Variants in WDPCP observed in about 807,000 individuals in gnomAD.
WDPCP encodes WD repeat containing planar cell polarity effector.
Under a neutral mutation model 93.1 loss-of-function variants are expected in WDPCP, and 71 were observed. The observed-to-expected ratio is 0.76, with a 90% CI of 0.63 to 0.93. The LOEUF is 0.93. Among genes scored for constraint, WDPCP ranks in the 40% least tolerant of loss-of-function variants. The pLI, the probability that WDPCP is intolerant of heterozygous loss-of-function variation, is 0.00. For synonymous variants in WDPCP, 315 were observed against 315.0 expected (o/e 1.00, Z 0.00); for missense variants, 844 against 887.4 (o/e 0.95, Z 0.62).
At chr2:63,716,948 C>G (rs1182550221) in intron 2 of WDPCP, among the ~76,000 whole-genome samples, 5 of 152,198 alleles carry the variant, frequency 3.3e-5, no homozygotes. Flanking sequence ...ATGTACTGAA[C>G]TAGGCTGCCC....
At chr2:63,705,120 T>C (rs1669128561) in intron 2 of WDPCP, among the ~76,000 whole-genome samples, 2 of 152,358 alleles carry the variant, frequency 1.3e-5, no homozygotes, top group Admixed American at 6.5e-5. Flanking sequence ...TGGTAGTTTG[T>C]ATTTCTGTGG....
At chr2:63,605,925 A>T (rs771494543) in intron 3 of WDPCP, 11 of 1,607,058 alleles carry the variant, frequency 6.8e-6, no homozygotes, top group Non-Finnish European at 8.5e-6. Flanking sequence ...TATGTGAAAC[A>T]TTGTTATTTT....
At position 63,234,394 on chromosome 2, in the gene WDPCP, CA is replaced by C. The variant is rs1679198887; in HGVS notation, c.1915+24912del. Among the ~76,000 whole-genome samples the C allele has an allele frequency of 1.3e-5, 2 of 152,104 alleles. 1 individual carries two copies. Among genetic ancestry groups the C allele is most frequent in the South Asian group, 4.1e-4 (2 of 4,828 alleles). On this transcript the variant is annotated intron_variant, in intron 14 of 17. Transcript: ENST00000272321. ...GCTTAAGCCCAGGAGTTTGGGGCTG[CA>C]GTGAGCTATGAACATGCCACTGCAT...
At chr2:63,127,037 T>C (rs1359474856) in intron 17 of WDPCP, among the ~76,000 whole-genome samples, 1 of 151,850 alleles carries the variant, frequency 6.6e-6, no homozygotes, top group African/African-American at 2.4e-5. Context: ...ATATGATATA[T>C]AAAATACTTT....
intron 14 of WDPCP, among the ~76,000 whole-genome samples, chr2:63,184,578 G>A (rs1674485012): frequency 6.6e-6 from 1 of 151,990 alleles, no homozygotes; most frequent in African/African-American, 2.4e-5. Context: ...CCACTGAGAA[G>A]TCCACCGTTA....
intron 14 of WDPCP, among the ~76,000 whole-genome samples, chr2:63,216,712 A>T (rs1009684532): frequency 8.1e-5 from 12 of 148,746 alleles, no homozygotes; most frequent in African/African-American, 9.8e-5. Flanking sequence ...AAAGTTTAAT[A>T]AAAAAAAAAC....
intron 2 of WDPCP, among the ~76,000 whole-genome samples, chr2:63,788,075 A>C (rs1195400018): frequency 1.3e-5 from 2 of 152,126 alleles, no homozygotes; most frequent in African/African-American, 2.4e-5. Flanking sequence ...ATAAAATAAA[A>C]AATGAGTCCA....
rs77090999 is a variant in WDPCP, at chr2:63,162,203, G to A, written c.2079-8629C>T. ...TTTAACTTCATATTCGACTTGCACA[G>A]CATGCAAGTTCAGAAAGAGGACCAT... On this transcript the variant is annotated intron_variant, in intron 15 of 17. Coordinates refer to ENST00000272321, the MANE Select transcript of WDPCP (RefSeq NM_015910.7). Among the ~76,000 whole-genome samples the A allele has an allele frequency of 2.9e-4, 44 of 152,162 alleles. No homozygotes were observed. The East Asian group carries it at 7.5e-3, about 26-fold the overall frequency.
chr2:63,327,814 A>G (rs1400047895), intron 12 of WDPCP, among the ~76,000 whole-genome samples: 5 of 152,070 alleles, frequency 3.3e-5, no homozygotes, highest in African/African-American at 4.8e-5. Flanking sequence ...TTCCTCTAGA[A>G]TCGAGGCCAT....
At chr2:63,492,558 A>G (rs1700957911) in intron 2 of WDPCP, among the ~76,000 whole-genome samples, 1 of 151,984 alleles carries the variant, frequency 6.6e-6, no homozygotes, top group South Asian at 2.1e-4. Context: ...GGGCTAGAGC[A>G]TAGTGACACG....
At chr2:63,701,931 C>T (rs1669058598) in intron 2 of WDPCP, among the ~76,000 whole-genome samples, 1 of 152,152 alleles carries the variant, frequency 6.6e-6, no homozygotes, top group African/African-American at 2.4e-5. Context: ...CCTAGTGTTT[C>T]ATAGATAAAT....
intron 1 of WDPCP, among the ~76,000 whole-genome samples, chr2:63,578,406 C>A (rs1357547863): frequency 6.6e-6 from 1 of 152,148 alleles, no homozygotes; most frequent in Non-Finnish European, 1.5e-5. Flanking sequence ...ATCCATATTG[C>A]CAATTATATC....
chr2:63,483,031 G>GAA (rs1429307336), intron 6 of WDPCP, among the ~76,000 whole-genome samples: 2 of 151,814 alleles, frequency 1.3e-5, no homozygotes, highest in African/African-American at 2.4e-5. Context: ...CCCTTCGTCA[G>GAA]ACACACACAC....
At chr2:63,824,460 T>A (rs186167533) in intron 1 of WDPCP, among the ~76,000 whole-genome samples, 1,839 of 145,960 alleles carry the variant, frequency 0.013, 19 homozygotes, top group Non-Finnish European at 0.015. Flanking sequence ...AAGTGGGAGA[T>A]CTGCTTGCGC....
chr2:63,315,376 G>A (rs139462276), intron 12 of WDPCP, among the ~76,000 whole-genome samples: 2,436 of 152,114 alleles, frequency 0.016, 56 homozygotes, highest in African/African-American at 0.053. Flanking sequence ...ACCCAGGTTA[G>A]TAGTGCCCCT....
At chr2:63,627,984 C>T (rs1216278726) in intron 3 of WDPCP, among the ~76,000 whole-genome samples, 1 of 152,156 alleles carries the variant, frequency 6.6e-6, no homozygotes, top group African/African-American at 2.4e-5. Flanking sequence ...ACTAAAAGAG[C>T]GCACTGTAAC....
intron 2 of WDPCP, among the ~76,000 whole-genome samples, chr2:63,716,502 G>A (rs969106782): frequency 5.3e-5 from 8 of 152,186 alleles, no homozygotes; most frequent in Non-Finnish European, 1.2e-4. Flanking sequence ...TGATGGGGGA[G>A]CCCAACTTTT....
At chr2:63,536,164 T>C (rs1350869000) in intron 1 of WDPCP, among the ~76,000 whole-genome samples, 1 of 152,128 alleles carries the variant, frequency 6.6e-6, no homozygotes, top group Non-Finnish European at 1.5e-5. Flanking sequence ...CACAATGAGA[T>C]ACCATCTCAC....
At chr2:63,173,080 G>T (rs962429249) in intron 15 of WDPCP, among the ~76,000 whole-genome samples, 2 of 151,944 alleles carry the variant, frequency 1.3e-5, no homozygotes, top group Non-Finnish European at 2.9e-5. Flanking sequence ...TGGCCAACAT[G>T]GTGAAACCCT....
Sources: gnomAD v4.1 joint callset for allele counts (sites outside exome capture counted in the v4.1 genomes callset) on GRCh38, gnomAD v4.1.1 for gene constraint, MANE v1.5 for transcripts, NCBI Gene and HGNC (gene_info 2026-07-23, HGNC 2026-07-21) for gene names.